The following SRP19 variants were observed in gnomAD, a reference collection of about 807,000 sequenced individuals.
SRP19 encodes the protein signal recognition particle 19 kDa protein.
A neutral mutation model predicts 22.4 loss-of-function variants in SRP19; 11 were observed. That is an observed-to-expected ratio of 0.49 (90% CI 0.31 to 0.81). The LOEUF is 0.81. SRP19 is among the 40% of genes least tolerant of loss of function. The pLI, the probability that SRP19 is intolerant of heterozygous loss-of-function variation, is 0.05. For synonymous variants in SRP19, 61 were observed against 57.6 expected, an observed-to-expected ratio of 1.06 and a Z score of -0.27; for missense variants, 168 against 175.9, an observed-to-expected ratio of 0.96 and a Z score of 0.25.
At chr5:112,865,936 A>G (rs1767589412) in intron 4 of SRP19, among the ~76,000 whole-genome samples, 1 of 152,148 alleles carries the variant, frequency 6.6e-6, no homozygotes, top group South Asian at 2.1e-4. Context: ...TGTGTTGCCC[A>G]GGCTAGTCTC....
chr5:112,877,801 T>C (rs572632009), intron 4 of SRP19: 1 of 152,312 alleles, frequency 6.6e-6, no homozygotes, highest in African/African-American at 2.4e-5. Context: ...CAGAAGTTCC[T>C]TAAACTGGTT....
exon 4 of SRP19, chr5:112,898,319 A>G (rs1768754348): frequency 6.6e-6 from 1 of 152,214 alleles, no homozygotes; most frequent in African/African-American, 2.4e-5. Flanking sequence ...TAATCCTTTC[A>G]AGTATGTTAT....
At chr5:112,897,351 T>A (rs387577), downstream of SRP19, 9,228 of 97,752 alleles carry the variant, frequency 0.094, 803 homozygotes, top group African/African-American at 0.37. Context: ...ACACATCCCA[T>A]CACACACACA....
At chr5:112,875,917 G>A (rs1427185607) in intron 4 of SRP19, among the ~76,000 whole-genome samples, 1 of 151,870 alleles carries the variant, frequency 6.6e-6, no homozygotes, top group Non-Finnish European at 1.5e-5. Flanking sequence ...CGTGGCGGCG[G>A]GTGCGTGTAG....
At chr5:112,864,133 A>G (rs1468440622) in intron 2 of SRP19, among the ~76,000 whole-genome samples, 1 of 152,214 alleles carries the variant, frequency 6.6e-6, no homozygotes, top group African/African-American at 2.4e-5. Flanking sequence ...TTGTATGTGT[A>G]ATTGTTTAAG....
chr5:112,874,798 C>CG (rs1767858317), intron 4 of SRP19, among the ~76,000 whole-genome samples: 1 of 144,728 alleles, frequency 6.9e-6, no homozygotes, highest in Non-Finnish European at 1.5e-5. Flanking sequence ...TTTTTTGAGA[C>CG]GGAGTTTCGC....
chr5:112,883,954 T>G (rs963470513), intron 4 of SRP19, among the ~76,000 whole-genome samples: 1 of 152,122 alleles, frequency 6.6e-6, no homozygotes, highest in African/African-American at 2.4e-5. Context: ...ACTTCTACCT[T>G]TGAAATATAT....
At chr5:112,877,735 G>A (rs1345838359) in intron 4 of SRP19, 1 of 152,122 alleles carries the variant, frequency 6.6e-6, no homozygotes, top group Non-Finnish European at 1.5e-5. Context: ...TCATTAGCAT[G>A]TTGTTGCTAA....
chr5:112,893,015 G>A (rs550136088), exon 5 of SRP19: 18 of 1,549,600 alleles, frequency 1.2e-5, no homozygotes, highest in South Asian at 5.6e-5. Context: ...TCTAGGTGCC[G>A]AAGTCGTGGG....
chr5:112,862,764 C>A lies in SRP19; in HGVS notation c.117+181C>A, dbSNP rs149333359. Among the ~76,000 whole-genome samples, 187 of 152,262 alleles carry A rather than the reference C, an allele frequency of 1.2e-3. 1 individual carries two copies. The highest frequency in any genetic ancestry group is 4.4e-3 in the African/African-American group (182 of 41,542). ...TGGTGAAACCAGAAAGGCATTAATT[C>A]ATAGCTGAAGGGATATTTTTTTAAC... is the stretch of plus-strand genomic sequence containing the variant. On this transcript the variant is annotated intron_variant, in intron 2 of 4. Coordinates refer to ENST00000505459, the MANE Select transcript of SRP19 (RefSeq NM_003135.3).
rs758578043 is a variant in SRP19 at position 112,867,453 on chromosome 5, A to T, written c.351A>T (p.Thr117=). The T allele has an allele frequency of 2.5e-5, 40 of 1,613,976 alleles. No individual in the cohort carries two copies. The highest frequency in any genetic ancestry group is 3.4e-5 in the Non-Finnish European group (40 of 1,179,992). Residue 117 remains threonine (T), a synonymous_variant, in exon 5 of 5, where the codon ACA becomes ACT. Transcript: ENST00000505459. ...CAGAAATGATACCTAAACTAAAAAC[A>T]AGGACACAAAAAACAGGAGGTGCTG... ...YAAEMIPKLK[T]RTQKTGGADQ...
At chr5:112,892,367 A>G (rs1320576444) in exon 5 of SRP19, 1 of 1,613,964 alleles carries the variant, frequency 6.2e-7, no homozygotes, top group East Asian at 2.2e-5. Context: ...CAGTTCCTAG[A>G]TTTCTATGAG....
At position 112,864,497 on chromosome 5, in the gene SRP19, G is replaced by A; in HGVS notation, c.158G>A (p.Cys53Tyr). ...ACAGCTACAGAGATTCAAGATGTAT[G>A]TTCAGCAGTTGGACTTAACGTATTT... ...NPTATEIQDV[C>Y]SAVGLNVFLE... is the part of the protein sequence containing the mutation. The change falls in exon 3 of 5, where the codon TGT (cysteine) becomes TAT (tyrosine). Residue 53 changes from cysteine to tyrosine, a missense_variant. Transcript: ENST00000505459. 1 of 1,614,004 alleles carries A rather than the reference G, an allele frequency of 6.2e-7. No homozygotes were observed. Among genetic ancestry groups the A allele is most frequent in the Non-Finnish European group, 8.5e-7 (1 of 1,180,000 alleles).
At chr5:112,892,839 C>T (rs751324905) in exon 5 of SRP19, 2 of 1,613,050 alleles carry the variant, frequency 1.2e-6, no homozygotes, top group Admixed American at 1.7e-5. Flanking sequence ...ATGGGGAATC[C>T]GAGAGAAAAA....
exon 5 of SRP19, chr5:112,892,220 GTAAACA>G: frequency 6.2e-7 from 1 of 1,614,104 alleles, no homozygotes; most frequent in Non-Finnish European, 8.5e-7. Context: ...AGATGTTCAC[GTAAACA>G]TAATTTCCCA....
At chr5:112,871,384 G>T (rs1157761041), downstream of SRP19, among the ~76,000 whole-genome samples, 1 of 151,054 alleles carries the variant, frequency 6.6e-6, no homozygotes, top group Non-Finnish European at 1.5e-5. Context: ...TCACGGCTCA[G>T]TGCAGCCTCA....
At chr5:112,862,219 A>G (rs954948885) in intron 1 of SRP19, 7 of 425,086 alleles carry the variant, frequency 1.6e-5, no homozygotes, top group African/African-American at 8.2e-5. Context: ...TCTAGGGTTT[A>G]AATACCCTCT....
intron 4 of SRP19, among the ~76,000 whole-genome samples, chr5:112,881,642 C>T (rs1172265575): frequency 6.6e-6 from 1 of 152,178 alleles, no homozygotes; most frequent in East Asian, 1.9e-4. Context: ...TTCAGAATCT[C>T]ATGTCATCAG....
At chr5:112,887,068 A>G (rs769667450) in intron 4 of SRP19, 1 of 1,613,660 alleles carries the variant, frequency 6.2e-7, no homozygotes, top group Non-Finnish European at 8.5e-7. Context: ...AAGGTCCTTG[A>G]CCACACTGTC....
Sources: allele counts gnomAD v4.1 joint callset (sites outside exome capture counted in the v4.1 genomes callset), GRCh38; gene constraint gnomAD v4.1.1; transcripts MANE v1.5; gene names NCBI Gene and HGNC (gene_info 2026-07-23, HGNC 2026-07-21).